G3BP1: variants seen among roughly 807,000 people sequenced by gnomAD.
G3BP1 encodes ras GTPase-activating protein-binding protein 1.
In G3BP1, 35 loss-of-function variants were observed where a neutral mutation model predicts 58.6. The observed-to-expected ratio is 0.60, with a 90% CI of 0.46 to 0.79. The LOEUF is 0.79. G3BP1 is among the 30% of genes least tolerant of loss of function. The probability of loss-of-function intolerance (pLI) is 0.00; values close to 1 mark genes in which losing one functional copy is unlikely to be tolerated. For missense variants in G3BP1, 523 were observed against 580.8 expected, an observed-to-expected ratio of 0.90 and a Z score of 1.02; for synonymous variants, 191 against 195.4, an observed-to-expected ratio of 0.98 and a Z score of 0.19.
In G3BP1 at chr5:151,810,629, A is replaced by G. The variant is rs944880594; in HGVS notation, c.*6538A>G. The G allele has an allele frequency of 6.6e-6, 1 of 152,228 alleles. No individual in the cohort carries two copies. Among genetic ancestry groups the G allele is most frequent in the Non-Finnish European group, 1.5e-5 (1 of 68,036 alleles). 9.4% of individuals were successfully genotyped at this position (152,228 alleles called of 1,614,324 possible). A position where few individuals can be genotyped will look rare whatever the true frequency, so the allele number is the denominator to read the frequency against. The stretch of plus-strand genomic sequence containing the variant: ...ACTAGACTGTAAGCTCCTAGAAGAT[A>G]AGGACTAGGGAGTTCATCTCTGTAT... On this transcript the variant is annotated 3_prime_UTR_variant, in exon 12 of 12. Coordinates refer to ENST00000356245, the MANE Select transcript of G3BP1 (RefSeq NM_005754.3).
chr5:151,809,527 A>G lies in G3BP1; in HGVS notation c.*5436A>G, dbSNP rs1762984921. ...TATATTTTTGAGTGAGAAGCATCAG[A>G]CTTAAATTTTTTTCTTCTATTTTGG... On this transcript the variant is annotated 3_prime_UTR_variant, in exon 12 of 12. Coordinates refer to ENST00000356245, the MANE Select transcript of G3BP1 (RefSeq NM_005754.3). The G allele has an allele frequency of 6.6e-6, 1 of 152,214 alleles. No homozygotes were observed. 9.4% of individuals were successfully genotyped at this position (152,214 alleles called of 1,614,324 possible).
At chr5:151,782,966 TC>T (rs1429920647) in intron 1 of G3BP1, among the ~76,000 whole-genome samples, 1 of 148,750 alleles carries the variant, frequency 6.7e-6, no homozygotes, top group Non-Finnish European at 1.5e-5. Context: ...CAAGCGATTC[TC>T]CTGCCTCAGC....
chr5:151,790,982 G>A lies in G3BP1; in HGVS notation c.271G>A (p.Val91Ile), dbSNP rs775953988. The change falls in exon 4 of 12, where the codon GTA (valine) becomes ATA (isoleucine). Residue 91 changes from valine to isoleucine, a missense_variant. Coordinates refer to ENST00000356245, the MANE Select transcript of G3BP1 (RefSeq NM_005754.3). ...TCATGCCACGCTAAATGATGGTGTG[G>A]TAGTCCAGGTGATGGGGCTTCTCTC... ...DAHATLNDGV[V>I]VQVMGLLSNN... is the part of the protein sequence containing the mutation. 1 of 1,613,200 alleles carries A rather than the reference G, an allele frequency of 6.2e-7. No homozygotes were observed. The highest frequency in any genetic ancestry group is 1.7e-5 in the Admixed American group (1 of 60,010).
At chr5:151,780,577 C>A (rs927652399) in intron 1 of G3BP1, among the ~76,000 whole-genome samples, 2 of 152,168 alleles carry the variant, frequency 1.3e-5, no homozygotes, top group African/African-American at 2.4e-5. Context: ...GTGGTGCGAT[C>A]TTGGCTCATT....
intron 6 of G3BP1, among the ~76,000 whole-genome samples, chr5:151,796,657 G>C (rs1477336536): frequency 6.6e-6 from 1 of 152,140 alleles, no homozygotes; most frequent in Non-Finnish European, 1.5e-5. Context: ...TTCCTTATGT[G>C]CTTGAAAGAG....
At chr5:151,777,142 T>C (rs938729723) in intron 1 of G3BP1, among the ~76,000 whole-genome samples, 3 of 152,176 alleles carry the variant, frequency 2.0e-5, no homozygotes, top group African/African-American at 4.8e-5. Context: ...GTGATGTTGA[T>C]ACTTTTCTTG....
intron 1 of G3BP1, among the ~76,000 whole-genome samples, chr5:151,782,615 C>T (rs1379642319): frequency 6.6e-6 from 1 of 152,120 alleles, no homozygotes; most frequent in Non-Finnish European, 1.5e-5. Flanking sequence ...ATTTTAAAAA[C>T]ATCTTTAGAA....
intron 11 of G3BP1, among the ~76,000 whole-genome samples, chr5:151,801,150 G>C (rs1415871764): frequency 6.6e-6 from 1 of 152,114 alleles, no homozygotes; most frequent in Non-Finnish European, 1.5e-5. Context: ...CCTTTCCTTG[G>C]TGGTGGCTTT....
At chr5:151,798,002 A>G (rs181981890) in intron 7 of G3BP1, among the ~76,000 whole-genome samples, 6 of 152,240 alleles carry the variant, frequency 3.9e-5, no homozygotes, top group Non-Finnish European at 7.4e-5. Context: ...AAAGGAATAT[A>G]ATTTTTAGTG....
chr5:151,786,331 T>A (rs1341160317), intron 1 of G3BP1, among the ~76,000 whole-genome samples: 1 of 152,160 alleles, frequency 6.6e-6, no homozygotes, highest in Non-Finnish European at 1.5e-5. Flanking sequence ...GTTGGAAATA[T>A]ATACCTTTGA....
chr5:151,773,155 AT>A (rs961592312), intron 1 of G3BP1, among the ~76,000 whole-genome samples: 4 of 150,222 alleles, frequency 2.7e-5, no homozygotes, highest in African/African-American at 4.8e-5. Flanking sequence ...TAGACGTTGA[AT>A]TTTTTTTTCT....
intron 2 of G3BP1, chr5:151,787,918 T>C: frequency 5.7e-6 from 1 of 176,496 alleles, no homozygotes; most frequent in Admixed American, 6.2e-5. Flanking sequence ...TGTGTGCATG[T>C]GTGTGTGTGT....
chr5:151,774,941 A>G (rs1464564694), intron 1 of G3BP1, among the ~76,000 whole-genome samples: 2 of 152,154 alleles, frequency 1.3e-5, no homozygotes, highest in East Asian at 3.8e-4. Context: ...TTTTTTTAAA[A>G]AAGTATTCTT....
chr5:151,786,590 CT>C lies in G3BP1; in HGVS notation c.-27del. The C allele has an allele frequency of 7.1e-7, 1 of 1,418,066 alleles. No homozygotes were observed. The highest frequency in any genetic ancestry group is 1.0e-6 in the Non-Finnish European group (1 of 1,001,520). 87.8% of individuals were successfully genotyped at this position (1,418,066 alleles called of 1,614,324 possible). The stretch of plus-strand genomic sequence containing the variant: ...CCTTCAGGTTTGGACATATTTGACT[CT>C]TTTCCCCCCAGGTTGAATTGACCAA... On this transcript the variant is annotated 5_prime_UTR_variant, in exon 2 of 12. Coordinates refer to ENST00000356245, the MANE Select transcript of G3BP1 (RefSeq NM_005754.3).
At position 151,791,941 on chromosome 5, in the gene G3BP1, A is replaced by G; in HGVS notation, c.351+879A>G. The G allele has an allele frequency of 5.4e-6, 2 of 372,052 alleles. 1 individual carries two copies. The highest frequency in any genetic ancestry group is 4.1e-5 in the South Asian group (2 of 48,314). 23.0% of individuals were successfully genotyped at this position (372,052 alleles called of 1,614,324 possible). A position where few individuals can be genotyped will look rare whatever the true frequency, so the allele number is the denominator to read the frequency against. ...GAAAGTGGGATTACAGGTGTGAGCC[A>G]CCATGCCCAGCCTTATTTTTTCTCT... On this transcript the variant is annotated intron_variant, in intron 4 of 11. Transcript: ENST00000356245.
chr5:151,807,482 A>G lies in G3BP1; in HGVS notation c.*3391A>G, dbSNP rs1367684637. The G allele has an allele frequency of 6.6e-6, 1 of 152,220 alleles. No homozygotes were observed. The highest frequency in any genetic ancestry group is 2.4e-5 in the African/African-American group (1 of 41,458). 9.4% of individuals were successfully genotyped at this position (152,220 alleles called of 1,614,324 possible). On this transcript the variant is annotated 3_prime_UTR_variant, in exon 12 of 12. Transcript: ENST00000356245. ...TTCTTAATTTCCTTTAGGGCAAACA[A>G]GATAATTAAACTTGGGTTTTGTGAG...
rs960510676 is a variant in G3BP1 at position 151,794,107 on chromosome 5, T to C, written c.352-52T>C. 9.3e-6 allele frequency: 10 copies of C among 1,071,364 alleles called. No individual in the cohort carries two copies. The East Asian group carries it at 1.9e-4, about 20-fold the overall frequency. 66.4% of individuals were successfully genotyped at this position (1,071,364 alleles called of 1,614,324 possible). A position where few individuals can be genotyped will look rare whatever the true frequency, so the allele number is the denominator to read the frequency against. ...CAGTCACCAATGGTGTAGAGTGATT[T>C]GACTTTCTAAAAGTCTGTTGAATAA... On this transcript the variant is annotated intron_variant, in intron 4 of 11. Transcript: ENST00000356245.
intron 11 of G3BP1, among the ~76,000 whole-genome samples, chr5:151,801,351 G>C (rs1308806787): frequency 6.6e-6 from 1 of 152,162 alleles, no homozygotes; most frequent in Non-Finnish European, 1.5e-5. Flanking sequence ...CTTACTAACA[G>C]TACTCTTACT....
In G3BP1 at chr5:151,800,837, T is replaced by C; in HGVS notation, c.1162T>C (p.Ser388Pro). Residue 388 changes from serine to proline, a missense_variant, in exon 11 of 12, where the codon TCT becomes CCT. Coordinates refer to ENST00000356245, the MANE Select transcript of G3BP1 (RefSeq NM_005754.3). The stretch of plus-strand genomic sequence containing the variant: ...TTTTGGTTTTGTTGTGTTTGATGAT[T>C]CTGAGCCTGTTCAGAAAGTCCTTAG... Reference protein sequence around the residue: ...PNFGFVVFDDSEPVQKVLSNR... With the variant: ...PNFGFVVFDDPEPVQKVLSNR... The C allele has an allele frequency of 6.2e-7, 1 of 1,608,122 alleles. No individual in the cohort carries two copies. Among genetic ancestry groups the C allele is most frequent in the South Asian group, 1.1e-5 (1 of 90,968 alleles).
Sources: gnomAD v4.1 joint callset for allele counts (sites outside exome capture counted in the v4.1 genomes callset) on GRCh38, gnomAD v4.1.1 for gene constraint, MANE v1.5 for transcripts, NCBI Gene and HGNC (gene_info 2026-07-23, HGNC 2026-07-21) for gene names.